Variants in GRIP2 observed in about 807,000 individuals in gnomAD.
GRIP2 encodes glutamate receptor interacting protein 2, also known as glutamate receptor-interacting protein 2.
GRIP2 carries 58 observed loss-of-function variants against 108.3 expected under a neutral mutation model. The ratio of observed to expected loss-of-function variants is 0.54; its 90% CI spans 0.43 to 0.67. GRIP2 has a LOEUF of 0.67. Among genes scored for constraint, GRIP2 ranks in the 30% least tolerant of loss-of-function variants. The pLI is 0.00. For missense variants in GRIP2, 1,278 were observed against 1,430.6 expected, an observed-to-expected ratio of 0.89 and a Z score of 1.72; for synonymous variants, 586 against 598.2, an observed-to-expected ratio of 0.98 and a Z score of 0.30.
chr3:14,500,939 G>A lies in GRIP2; in HGVS notation c.2679+2627C>T, dbSNP rs183404429. 3.7e-4 allele frequency among the ~76,000 whole-genome samples: 56 copies of A among 152,238 alleles called. 1 individual carries two copies. Among genetic ancestry groups the A allele is most frequent in the Admixed American group, 2.7e-3 (42 of 15,292 alleles). ...ATAGTGCCTATCTTATTCAAGAGGAGGACAAAGGTATTGCTTACACTTGTT... is the reference window on the plus strand; with the variant it reads ...ATAGTGCCTATCTTATTCAAGAGGAAGACAAAGGTATTGCTTACACTTGTT... On this transcript the variant is annotated intron_variant, in intron 21 of 23. Coordinates refer to ENST00000621039, the MANE Select transcript of GRIP2 (RefSeq NM_001080423.4).
At chr3:14,582,090 G>A in the GRIP2 span, among the ~76,000 whole-genome samples, 4 of 152,158 alleles carry the variant, frequency 2.6e-5, no homozygotes, top group African/African-American at 9.7e-5. Context: ...CATATCTCAG[G>A]GACTCCTCAG....
At chr3:14,582,043 C>T in the GRIP2 span, among the ~76,000 whole-genome samples, 13 of 152,154 alleles carry the variant, frequency 8.5e-5, no homozygotes, top group African/African-American at 2.7e-4. Flanking sequence ...CTAGGGGAGA[C>T]GAGAGATACT....
Position 14,511,257 on chromosome 3 carries a change from A to G in GRIP2, c.1841T>C (p.Leu614Pro). ...GGCGTCCTCCATGGGGCAGTTGTCCAGGCGGATATTGTCAATGGCCAGTAG... is the reference window on the plus strand; with the variant it reads ...GGCGTCCTCCATGGGGCAGTTGTCCGGGCGGATATTGTCAATGGCCAGTAG... ...DKLLAIDNIR[L>P]DNCPMEDAVQ... Residue 614 changes from leucine (L) to proline (P), a missense_variant, in exon 16 of 24, where the codon CTG (leucine) becomes CCG (proline). Leu to Pro is a moderately conservative substitution (Grantham distance 98, BLOSUM62 -3). Coordinates refer to ENST00000621039, the MANE Select transcript of GRIP2 (RefSeq NM_001080423.4). The surrounding 1 kb of genome is among the most constrained non-coding windows in gnomAD (Gnocchi z 4.1). 3 of 1,614,016 alleles carry G rather than the reference A, an allele frequency of 1.9e-6. No homozygotes were observed. Among genetic ancestry groups the G allele is most frequent in the Non-Finnish European group, 2.5e-6 (3 of 1,179,896 alleles).
At chr3:14,506,124 A>G (rs532829172) in intron 19 of GRIP2, among the ~76,000 whole-genome samples, 1 of 152,322 alleles carries the variant, frequency 6.6e-6, no homozygotes, top group South Asian at 2.1e-4. Context: ...GAGCTGAGAG[A>G]TGCTGACAGA....
At chr3:14,578,178 G>A in the GRIP2 span, among the ~76,000 whole-genome samples, 4 of 152,184 alleles carry the variant, frequency 2.6e-5, no homozygotes, top group Admixed American at 1.3e-4. Flanking sequence ...CACTGTCATC[G>A]ACGAGGGCCA....
In GRIP2 at chr3:14,522,788, A is replaced by C. The variant is rs1037032746; in HGVS notation, c.566+212T>G. ...ACACCCCAACCCCTGAGACAGCAGTATGTTGGGGAAGAAAGGGCTCGAGGT... is the reference window on the plus strand; with the variant it reads ...ACACCCCAACCCCTGAGACAGCAGTCTGTTGGGGAAGAAAGGGCTCGAGGT... On this transcript the variant is annotated intron_variant, in intron 6 of 23. Coordinates refer to ENST00000621039, the MANE Select transcript of GRIP2 (RefSeq NM_001080423.4). This position sits in a 1 kb window ranked among gnomAD's most constrained non-coding sequence, Gnocchi z 4.3. 1.4e-4 allele frequency: 78 copies of C among 559,958 alleles called. No individual in the cohort carries two copies. The highest frequency in any genetic ancestry group is 4.8e-4 in the Middle Eastern group (1 of 2,082). The allele number at this position is 559,958 out of a possible 1,614,324, so 34.7% of individuals were successfully genotyped here.
chr3:14,494,172 A>G (rs1199920850), intron 23 of GRIP2, among the ~76,000 whole-genome samples: 2 of 152,206 alleles, frequency 1.3e-5, no homozygotes, highest in East Asian at 1.9e-4. Context: ...TTTTATTTGC[A>G]TTTTACACCC....
At chr3:14,584,566 T>C in the GRIP2 span, among the ~76,000 whole-genome samples, 10 of 152,206 alleles carry the variant, frequency 6.6e-5, no homozygotes, top group Non-Finnish European at 1.2e-4. Context: ...GTGGAAATCC[T>C]TGTAAAACAC....
chr3:14,514,681 C>T (rs972147504), intron 11 of GRIP2, among the ~76,000 whole-genome samples: 3 of 152,148 alleles, frequency 2.0e-5, no homozygotes, highest in African/African-American at 4.8e-5. Context: ...ATTCCCACCT[C>T]GTGGGGTGTG....
intron 1 of GRIP2, among the ~76,000 whole-genome samples, chr3:14,549,453 G>T (rs1343727442): frequency 6.6e-6 from 1 of 152,180 alleles, no homozygotes. Context: ...GTCTGGATGC[G>T]GCTTCAGTGG....
the GRIP2 span, among the ~76,000 whole-genome samples, chr3:14,562,495 A>G: frequency 6.6e-6 from 1 of 152,218 alleles, no homozygotes; most frequent in Non-Finnish European, 1.5e-5. Flanking sequence ...AAGATACCAC[A>G]TCATTTTTCT....
In GRIP2 at chr3:14,493,820, G is replaced by C. The variant is rs1693485500; in HGVS notation, c.2977C>G (p.His993Asp). 1 of 1,611,486 alleles carries C rather than the reference G, an allele frequency of 6.2e-7. No individual in the cohort carries two copies. Among genetic ancestry groups the C allele is most frequent in the Admixed American group, 1.7e-5 (1 of 59,894 alleles). The part of the protein sequence containing the change: ...QPFDRVLQVN[H>D]VRTRDFDCCL... ...CAGTCGAAGTCCCGTGTACGGACGT[G>C]GTTGACCTGCATGGGGCACAAGCAA... is the stretch of plus-strand genomic sequence containing the variant. The change falls in exon 24 of 24, where the codon CAC (histidine) becomes GAC (aspartate). Residue 993 changes from histidine to aspartate, a missense_variant. His to Asp is a moderately conservative substitution (Grantham distance 81). Transcript: ENST00000621039.
At chr3:14,549,724 G>A (rs1575035085) in intron 1 of GRIP2, among the ~76,000 whole-genome samples, 1 of 152,138 alleles carries the variant, frequency 6.6e-6, no homozygotes, top group Non-Finnish European at 1.5e-5. Flanking sequence ...CACCTCTAGG[G>A]GCATTTACTT....
At chr3:14,602,512 C>T in the GRIP2 span, among the ~76,000 whole-genome samples, 1 of 151,950 alleles carries the variant, frequency 6.6e-6, no homozygotes, top group African/African-American at 2.4e-5. The surrounding 1 kb of genome is among the most constrained non-coding windows in gnomAD (Gnocchi z 4.7). Context: ...CGACACCCGG[C>T]GGGCTGGCTG....
At chr3:14,593,521 A>G in the GRIP2 span, among the ~76,000 whole-genome samples, 1 of 152,250 alleles carries the variant, frequency 6.6e-6, no homozygotes, top group Non-Finnish European at 1.5e-5. Flanking sequence ...CACAGTCACC[A>G]TGTGGGTCCA....
intron 5 of GRIP2, 174 bp from the exon 6 acceptor site, chr3:14,523,249 G>T: frequency 1.7e-6 from 1 of 604,726 alleles, no homozygotes; most frequent in Non-Finnish European, 3.0e-6. Flanking sequence ...CCAAGAGATG[G>T]TGCAAGGGGT....
In GRIP2 at chr3:14,523,624, A is replaced by G; in HGVS notation, c.478T>C (p.Phe160Leu). Residue 160 changes from phenylalanine to leucine, a missense_variant, in exon 5 of 24, where the codon TTT becomes CTT. Phe to Leu is a conservative substitution (Grantham distance 22). Transcript: ENST00000621039. The stretch of plus-strand genomic sequence containing the variant: ...TTCTTTCACTGACCTCTAAGGACAA[A>G]GCCAAAGCTATTGCCCTCCTTGTAG... ...SLYKEGNSFG[F>L]VLRGGAHEDG... 1 of 1,610,708 alleles carries G rather than the reference A, an allele frequency of 6.2e-7. No homozygotes were observed. The highest frequency in any genetic ancestry group is 8.5e-7 in the Non-Finnish European group (1 of 1,178,138).
intron 19 of GRIP2, 114 bp downstream of exon 19, chr3:14,506,687 C>A: frequency 9.8e-7 from 1 of 1,025,078 alleles, no homozygotes; most frequent in Non-Finnish European, 1.4e-6. Flanking sequence ...CTAAAGGATG[C>A]CAGGAGAGGA....
the GRIP2 span, among the ~76,000 whole-genome samples, chr3:14,562,058 A>T: frequency 2.0e-5 from 3 of 152,248 alleles, no homozygotes; most frequent in Non-Finnish European, 4.4e-5. Context: ...TAAAGGATGC[A>T]ACATGTTGCG....
Sources: allele counts gnomAD v4.1 joint callset (sites outside exome capture counted in the v4.1 genomes callset), GRCh38; gene constraint gnomAD v4.1.1; non-coding constraint Gnocchi (gnomAD v3.1); transcripts MANE v1.5; gene names NCBI Gene and HGNC (gene_info 2026-07-23, HGNC 2026-07-21).